GRM7: variants seen among roughly 807,000 people sequenced by gnomAD.
GRM7 encodes metabotropic glutamate receptor 7.
Under a neutral mutation model 84.5 loss-of-function variants are expected in GRM7, and 35 were observed. The ratio of observed to expected loss-of-function variants is 0.41; its 90% CI spans 0.32 to 0.55. GRM7 has a LOEUF of 0.55. Among genes scored for constraint, GRM7 ranks in the 20% least tolerant of loss-of-function variants. The pLI, the probability that GRM7 is intolerant of heterozygous loss-of-function variation, is 0.19. For missense variants in GRM7, 1,003 were observed against 1,194.6 expected (o/e 0.84, Z 2.36); for synonymous variants, 487 against 455.1 (o/e 1.07, Z -0.89).
At chr3:7,027,090 A>T (rs777270983) in intron 1 of GRM7, among the ~76,000 whole-genome samples, 1 of 152,174 alleles carries the variant, frequency 6.6e-6, no homozygotes, top group African/African-American at 2.4e-5. Flanking sequence ...CTCTTATTGA[A>T]GTTATTCTTG....
intron 1 of GRM7, among the ~76,000 whole-genome samples, chr3:7,144,247 A>G (rs780668467): frequency 2.6e-5 from 4 of 152,192 alleles, no homozygotes; most frequent in Non-Finnish European, 5.9e-5. Flanking sequence ...GAGGCAAGGT[A>G]ATATTCTTCC....
At chr3:7,123,477 G>A (rs1391584694) in intron 1 of GRM7, among the ~76,000 whole-genome samples, 1 of 152,102 alleles carries the variant, frequency 6.6e-6, no homozygotes, top group African/African-American at 2.4e-5. Context: ...AAATTAGATG[G>A]GTGTGGTGGC....
chr3:7,430,111 C>T (rs1408350718), intron 5 of GRM7, among the ~76,000 whole-genome samples: 2 of 152,028 alleles, frequency 1.3e-5, no homozygotes, highest in Non-Finnish European at 2.9e-5. Flanking sequence ...ATAGAGAGAC[C>T]TTATCTCAAA....
intron 5 of GRM7, among the ~76,000 whole-genome samples, chr3:7,438,254 G>A (rs1697140476): frequency 6.6e-6 from 1 of 152,036 alleles, no homozygotes; most frequent in Admixed American, 6.6e-5. Flanking sequence ...GGTGAGATAG[G>A]ATAATAACTT....
chr3:7,455,245 T>C (rs1697956297), intron 6 of GRM7, among the ~76,000 whole-genome samples: 1 of 152,130 alleles, frequency 6.6e-6, no homozygotes, highest in Non-Finnish European at 1.5e-5. Context: ...AAGATGGAAA[T>C]ACAAAGTCGC....
intron 1 of GRM7, among the ~76,000 whole-genome samples, chr3:6,987,042 G>C (rs1024577513): frequency 2.0e-5 from 3 of 152,138 alleles, no homozygotes; most frequent in Non-Finnish European, 4.4e-5. Context: ...TCTACCTACT[G>C]CTCTTCTAAT....
At chr3:7,075,521 T>TGC (rs1559422740) in intron 1 of GRM7, among the ~76,000 whole-genome samples, 1 of 150,976 alleles carries the variant, frequency 6.6e-6, no homozygotes, top group African/African-American at 2.4e-5. Flanking sequence ...TGTGTGTGTG[T>TGC]GTGTGTGTGT....
intron 1 of GRM7, among the ~76,000 whole-genome samples, chr3:6,889,132 C>G (rs1161090169): frequency 6.6e-6 from 1 of 152,152 alleles, no homozygotes; most frequent in African/African-American, 2.4e-5. Flanking sequence ...AGATTTTGGG[C>G]TGAGACAATG....
intron 7 of GRM7, among the ~76,000 whole-genome samples, chr3:7,535,645 T>G (rs1053872643): frequency 6.6e-5 from 10 of 152,250 alleles, no homozygotes; most frequent in African/African-American, 2.4e-4. Flanking sequence ...TAAGAGTCTC[T>G]GTCAGGCATT....
At chr3:7,571,374 C>G (rs960603479) in intron 7 of GRM7, among the ~76,000 whole-genome samples, 2 of 152,160 alleles carry the variant, frequency 1.3e-5, no homozygotes, top group Non-Finnish European at 2.9e-5. Flanking sequence ...CTCTTAAATG[C>G]TTTGCTGCTT....
Position 7,579,029 on chromosome 3 carries a change from G to T in GRM7, c.2123G>T (p.Ser708Ile). 2.5e-6 allele frequency: 4 copies of T among 1,614,120 alleles called. No individual in the cohort carries two copies. The highest frequency in any genetic ancestry group is 3.4e-6 in the Non-Finnish European group (4 of 1,180,026). Residue 708 changes from serine (S) to isoleucine (I), a missense_variant, in exon 8 of 10, where the codon AGT becomes ATT. This residue lies in a region of GRM7 where 910 missense variants were observed against 1,126.0 expected (regional missense o/e 0.81). Transcript: ENST00000357716. The part of the protein sequence containing the change: ...SPTSQLAITS[S>I]LISVQLLGVF... Reference sequence around the variant, plus strand: ...ACATCACAACTGGCAATCACTTCCAGTTTAATATCAGTTCAGCTTCTAGGG... The same window carrying T: ...ACATCACAACTGGCAATCACTTCCATTTTAATATCAGTTCAGCTTCTAGGG...
intron 5 of GRM7, among the ~76,000 whole-genome samples, chr3:7,431,609 T>G (rs1245683155): frequency 6.6e-6 from 1 of 152,186 alleles, no homozygotes; most frequent in African/African-American, 2.4e-5. Flanking sequence ...TTTGGGTAAG[T>G]TATTTAAATC....
At chr3:7,678,150 A>G (rs1170783195) in intron 8 of GRM7, among the ~76,000 whole-genome samples, 3 of 152,132 alleles carry the variant, frequency 2.0e-5, no homozygotes, top group East Asian at 1.9e-4. Context: ...AATTATTCAT[A>G]CCCCAAACCT....
intron 2 of GRM7, among the ~76,000 whole-genome samples, chr3:7,219,605 T>G (rs778608187): frequency 1.9e-4 from 29 of 152,164 alleles, no homozygotes; most frequent in Non-Finnish European, 3.5e-4. Context: ...TGAGCTCAAG[T>G]TCAGTTTAAT....
chr3:7,655,327 A>C (rs1253252406), intron 8 of GRM7, among the ~76,000 whole-genome samples: 1 of 152,206 alleles, frequency 6.6e-6, no homozygotes, highest in Non-Finnish European at 1.5e-5. Context: ...CATGTCTAAC[A>C]ACCCAAGGTT....
chr3:7,657,393 TCACGTGTGATGTG>T, intron 8 of GRM7, among the ~76,000 whole-genome samples: 1 of 152,352 alleles, frequency 6.6e-6, no homozygotes, highest in African/African-American at 2.4e-5. Flanking sequence ...TGGACAGGGT[TCACGTGTGATGTG>T]CATGTGTTAC....
At chr3:7,396,477 C>T (rs1032644616) in intron 4 of GRM7, among the ~76,000 whole-genome samples, 1 of 152,250 alleles carries the variant, frequency 6.6e-6, no homozygotes, top group Non-Finnish European at 1.5e-5. Flanking sequence ...TTTTCATCTT[C>T]TGCATCTTAA....
At chr3:7,682,412 CTATACCTGTATTGA>C (rs1013220984) in intron 9 of GRM7, 4 of 150,612 alleles carry the variant, frequency 2.7e-5, no homozygotes, top group Admixed American at 6.6e-5. Flanking sequence ...TCTATTATAC[CTATACCTGTATTGA>C]TAAACATATA....
At position 7,454,088 on chromosome 3, in the gene GRM7, A is replaced by ACTCTCTCTCTCTCTCC. The variant is rs1284686500; in HGVS notation, c.1375+1282_1375+1283insTCTCTCTCTCTCTCCC. Among the ~76,000 whole-genome samples the ACTCTCTCTCTCTCTCC allele has an allele frequency of 2.7e-5, 3 of 111,752 alleles. No homozygotes were observed. In the South Asian group the frequency reaches 8.9e-4, roughly 33 times the overall value. 73.3% of individuals were successfully genotyped at this position (111,752 alleles called of 152,430 possible). A position where few individuals can be genotyped will look rare whatever the true frequency, so the allele number is the denominator to read the frequency against. ...GAACCATACATGAAAAGCTACACAC[A>ACTCTCTCTCTCTCTCC]CACTCTCTCTCTCTCTCTCTCTCTC... On this transcript the variant is annotated intron_variant, in intron 6 of 9. Coordinates refer to ENST00000357716, the MANE Select transcript of GRM7 (RefSeq NM_000844.4).
Sources: allele counts gnomAD v4.1 joint callset (sites outside exome capture counted in the v4.1 genomes callset), GRCh38; gene constraint gnomAD v4.1.1; regional missense constraint gnomAD v4.1.1; transcripts MANE v1.5; gene names NCBI Gene and HGNC (gene_info 2026-07-23, HGNC 2026-07-21).